Variants in NXPE2 observed in about 807,000 individuals in gnomAD.
NXPE2 encodes the protein NXPE family member 2.
A neutral mutation model predicts 34.4 loss-of-function variants in NXPE2; 34 were observed. The observed-to-expected ratio is 0.99, with a 90% confidence interval of 0.75 to 1.31. NXPE2 has a LOEUF of 1.31. NXPE2 is among the 40% of genes most tolerant of loss of function. The probability of loss-of-function intolerance (pLI) is 0.00; values close to 1 mark genes in which losing one functional copy is unlikely to be tolerated. For synonymous variants in NXPE2, 235 were observed against 231.3 expected (o/e 1.02, Z -0.15); for missense variants, 649 against 672.5 (o/e 0.97, Z 0.39).
chr11:114,529,113 A>G, the NXPE2 span: 1 of 298,772 alleles, frequency 3.3e-6, no homozygotes, highest in Non-Finnish European at 6.1e-6. Flanking sequence ...AAAGACTCTA[A>G]ACTTGACTTT....
the NXPE2 span, among the ~76,000 whole-genome samples, chr11:114,639,844 A>AAAATATAATATATATTAAAT: frequency 9.1e-6 from 1 of 110,490 alleles, no homozygotes; most frequent in South Asian, 2.6e-4. Context: ...TATTAAATAT[A>AAAATATAATATATATTAAAT]AAATATAATA....
the NXPE2 span, chr11:114,553,919 A>ATTTTTG: frequency 2.8e-4 from 271 of 985,118 alleles, 3 homozygotes; most frequent in African/African-American, 4.4e-3. Context: ...TATAAACAGG[A>ATTTTTG]TTTTTGTTTT....
the NXPE2 span, among the ~76,000 whole-genome samples, chr11:114,548,263 G>A: frequency 6.6e-6 from 1 of 152,038 alleles, no homozygotes; most frequent in Non-Finnish European, 1.5e-5. Flanking sequence ...CTTATTTATA[G>A]CATGCCAAGT....
the NXPE2 span, among the ~76,000 whole-genome samples, chr11:114,509,841 A>G: frequency 1.3e-5 from 2 of 152,134 alleles, no homozygotes; most frequent in African/African-American, 4.8e-5. Flanking sequence ...TAATACCTGG[A>G]TGATTAAATA....
At position 114,698,273 on chromosome 11, in the gene NXPE2, G is replaced by A; in HGVS notation, c.361G>A (p.Asp121Asn). 1 of 1,613,370 alleles carries A rather than the reference G, an allele frequency of 6.2e-7. No individual in the cohort carries two copies. The highest frequency in any genetic ancestry group is 8.5e-7 in the Non-Finnish European group (1 of 1,179,590). Residue 121 changes from aspartate to asparagine, a missense_variant, in exon 3 of 6, where the codon GAT becomes AAT. Coordinates refer to ENST00000389586, the MANE Select transcript of NXPE2 (RefSeq NM_182495.6). ...HSTATILNPQ[D>N]TYCRGDQLDI... Reference sequence around the variant, plus strand: ...CACAGCCACCATCCTCAACCCTCAAGATACGTACTGCAGGGGGGATCAGCT... The same window carrying A: ...CACAGCCACCATCCTCAACCCTCAAAATACGTACTGCAGGGGGGATCAGCT...
At chr11:114,701,997 A>G (rs960364435) in intron 3 of NXPE2, among the ~76,000 whole-genome samples, 1 of 152,138 alleles carries the variant, frequency 6.6e-6, no homozygotes, top group African/African-American at 2.4e-5. Flanking sequence ...GATGACTGTA[A>G]ATATATTTTC....
At chr11:114,798,939 C>T in the NXPE2 span, among the ~76,000 whole-genome samples, 11 of 152,210 alleles carry the variant, frequency 7.2e-5, no homozygotes, top group East Asian at 1.9e-4. Flanking sequence ...CTGCCTCACG[C>T]GCTTTCTCCA....
the NXPE2 span, among the ~76,000 whole-genome samples, chr11:114,545,583 G>A: frequency 6.6e-6 from 1 of 152,234 alleles, no homozygotes; most frequent in East Asian, 1.9e-4. Context: ...AGTTGAATAG[G>A]TGAATCAGAG....
chr11:114,771,676 C>A, the NXPE2 span, among the ~76,000 whole-genome samples: 1 of 152,182 alleles, frequency 6.6e-6, no homozygotes, highest in Non-Finnish European at 1.5e-5. Context: ...GCCTTCTCCA[C>A]TATGGCCCCA....
At chr11:114,662,184 C>G in the NXPE2 span, among the ~76,000 whole-genome samples, 1 of 152,072 alleles carries the variant, frequency 6.6e-6, no homozygotes, top group African/African-American at 2.4e-5. Flanking sequence ...CACCATCAAC[C>G]CCCAGCATTG....
the NXPE2 span, among the ~76,000 whole-genome samples, chr11:114,476,614 C>T: frequency 1.3e-5 from 2 of 152,140 alleles, no homozygotes; most frequent in Non-Finnish European, 2.9e-5. Flanking sequence ...GAAGGGGAAG[C>T]AAGCACCTTC....
intron 4 of NXPE2, 120 bp from the exon 5 acceptor site, chr11:114,705,661 A>G: frequency 1.7e-6 from 1 of 576,774 alleles, no homozygotes. Flanking sequence ...GAGGAAGGCA[A>G]AATAGAGCTG....
chr11:114,634,683 G>T, the NXPE2 span, among the ~76,000 whole-genome samples: 9 of 151,942 alleles, frequency 5.9e-5, no homozygotes, highest in Non-Finnish European at 7.4e-5. Context: ...TCTACATATC[G>T]CTAGTTGGTT....
chr11:114,583,501 C>T, the NXPE2 span: 77 of 622,656 alleles, frequency 1.2e-4, no homozygotes, highest in Non-Finnish European at 2.0e-4. Context: ...ATCCAGATTA[C>T]GTGTCTGAGC....
At chr11:114,735,584 G>A in the NXPE2 span, among the ~76,000 whole-genome samples, 1 of 152,150 alleles carries the variant, frequency 6.6e-6, no homozygotes, top group Admixed American at 6.5e-5. Context: ...TTAGTACATA[G>A]GAATCAATAA....
chr11:114,806,642 G>C, the NXPE2 span, among the ~76,000 whole-genome samples: 2 of 152,124 alleles, frequency 1.3e-5, no homozygotes, highest in Admixed American at 6.5e-5. Context: ...GAGAAGTTTA[G>C]AGAAAAAAGA....
chr11:114,531,472 C>A, the NXPE2 span, among the ~76,000 whole-genome samples: 1 of 152,184 alleles, frequency 6.6e-6, no homozygotes, highest in African/African-American at 2.4e-5. Context: ...TGCTTTCTCT[C>A]CATTTAATTT....
At chr11:114,475,284 C>A in the NXPE2 span, among the ~76,000 whole-genome samples, 9 of 120,328 alleles carry the variant, frequency 7.5e-5, no homozygotes, top group African/African-American at 2.9e-4. Context: ...CGCTCTGTCG[C>A]CCAGGCTAGA....
the NXPE2 span, among the ~76,000 whole-genome samples, chr11:114,537,927 A>C: frequency 8.7e-4 from 133 of 152,284 alleles, no homozygotes; most frequent in African/African-American, 3.0e-3. Flanking sequence ...ATTGGAAAAA[A>C]CTACTTTAAA....
Sources: gnomAD v4.1 joint callset for allele counts (sites outside exome capture counted in the v4.1 genomes callset) on GRCh38, gnomAD v4.1.1 for gene constraint, MANE v1.5 for transcripts, NCBI Gene and HGNC (gene_info 2026-07-23, HGNC 2026-07-21) for gene names.